Variants in GALNT17 observed in about 807,000 individuals in gnomAD.
The protein encoded by GALNT17 is polypeptide N-acetylgalactosaminyltransferase 17, also known as UDP-GalNAc:polypeptide N-acetylgalactosaminyltransferase-like 3.
GALNT17 carries 29 observed loss-of-function variants against 63.7 expected under a neutral mutation model. The observed-to-expected ratio is 0.46, with a 90% CI of 0.34 to 0.62. GALNT17 has a LOEUF of 0.62. GALNT17 is among the 20% of genes least tolerant of loss of function. The pLI, the probability that GALNT17 is intolerant of heterozygous loss-of-function variation, is 0.01. For synonymous variants in GALNT17, 305 were observed against 318.3 expected, an observed-to-expected ratio of 0.96 and a Z score of 0.45; for missense variants, 603 against 799.6, an observed-to-expected ratio of 0.75 and a Z score of 2.97.
intron 2 of GALNT17, among the ~76,000 whole-genome samples, chr7:71,382,074 T>C (rs1250216229): frequency 6.6e-6 from 1 of 151,864 alleles, no homozygotes; most frequent in Non-Finnish European, 1.5e-5. Context: ...GAAGGGCTAA[T>C]AGATTAAAAA....
chr7:71,388,195 C>G, intron 2 of GALNT17, 40 bp from the exon 3 acceptor site: 1 of 1,596,582 alleles, frequency 6.3e-7, no homozygotes, highest in East Asian at 2.2e-5. Flanking sequence ...GAGCTTTTAT[C>G]CTTCCTCTGA....
intron 6 of GALNT17, among the ~76,000 whole-genome samples, chr7:71,635,188 C>T (rs1790511495): frequency 7.9e-6 from 1 of 127,064 alleles, no homozygotes; most frequent in Non-Finnish European, 1.6e-5. Flanking sequence ...GCCTGGGTGA[C>T]AGAGTGAGAC....
chr7:71,713,492 C>T lies in GALNT17; in HGVS notation c.*1346C>T, dbSNP rs1791825334. On this transcript the variant is annotated 3_prime_UTR_variant, in exon 11 of 11. Coordinates refer to ENST00000333538, the MANE Select transcript of GALNT17 (RefSeq NM_022479.3). ...CAGAGCTGAACCCTGTAGCTGCCCCCTTGCCCTGTGTGGGATTCGCAGTGT... is the reference window on the plus strand; with the variant it reads ...CAGAGCTGAACCCTGTAGCTGCCCCTTTGCCCTGTGTGGGATTCGCAGTGT... 1 of 152,576 alleles carries T rather than the reference C, an allele frequency of 6.6e-6. No individual in the cohort carries two copies. Among genetic ancestry groups the T allele is most frequent in the Non-Finnish European group, 1.5e-5 (1 of 68,320 alleles). 9.5% of individuals were successfully genotyped at this position (152,576 alleles called of 1,614,324 possible). A position where few individuals can be genotyped will look rare whatever the true frequency, so the allele number is the denominator to read the frequency against.
intron 5 of GALNT17, among the ~76,000 whole-genome samples, chr7:71,452,827 T>G (rs1787287958): frequency 1.3e-5 from 2 of 152,274 alleles, no homozygotes; most frequent in East Asian, 1.9e-4. Flanking sequence ...ATCTTGTTTT[T>G]TTGTTGTTGT....
At chr7:71,545,896 G>A (rs1788975612) in intron 5 of GALNT17, among the ~76,000 whole-genome samples, 2 of 152,096 alleles carry the variant, frequency 1.3e-5, no homozygotes, top group South Asian at 2.1e-4. Flanking sequence ...TCACTCCTAG[G>A]TGTCATCTTC....
intron 4 of GALNT17, among the ~76,000 whole-genome samples, chr7:71,419,955 G>T (rs1286412693): frequency 1.3e-5 from 2 of 152,224 alleles, no homozygotes; most frequent in Admixed American, 6.5e-5. Flanking sequence ...AGCTGCAAAT[G>T]AAAAGAGATG....
chr7:71,654,852 G>A lies in GALNT17; in HGVS notation c.1081-10559G>A, dbSNP rs189412241. On this transcript the variant is annotated intron_variant, in intron 6 of 10. Transcript: ENST00000333538. ...CGCCCAGACTAGAAAGCAGTGGCAC[G>A]ATCTCGGCTCACTGCAACCTCCACC... Among the ~76,000 whole-genome samples, 795 of 152,122 alleles carry A rather than the reference G, an allele frequency of 5.2e-3. 6 individuals are homozygous for A. Among genetic ancestry groups the A allele is most frequent in the African/African-American group, 0.019 (777 of 41,496 alleles).
chr7:71,498,268 GA>G (rs1263133444), intron 5 of GALNT17, among the ~76,000 whole-genome samples: 2 of 152,096 alleles, frequency 1.3e-5, no homozygotes, highest in African/African-American at 2.4e-5. Context: ...TTGAGATCAG[GA>G]GTTAGAGACC....
At chr7:71,451,530 G>C (rs934449263) in intron 5 of GALNT17, among the ~76,000 whole-genome samples, 1 of 151,504 alleles carries the variant, frequency 6.6e-6, no homozygotes, top group Non-Finnish European at 1.5e-5. Context: ...CCTTATTCTC[G>C]GTTCCCCTCT....
rs35561906 is a variant in GALNT17, at chr7:71,565,269, G to GAA, written c.963-6007_963-6006dup. On this transcript the variant is annotated intron_variant, in intron 5 of 10. Transcript: ENST00000333538. ...GCAACAGGGTGAGACTCCATCTCAA[G>GAA]AAAAAAAAAATCAGGCTCCTGACGG... is the stretch of plus-strand genomic sequence containing the variant. 9.0e-4 allele frequency among the ~76,000 whole-genome samples: 135 copies of GAA among 149,778 alleles called. No individual in the cohort carries two copies. The East Asian group carries it at 0.02, about 22-fold the overall frequency.
intron 5 of GALNT17, among the ~76,000 whole-genome samples, chr7:71,436,028 GAA>G (rs71089944): frequency 5.1e-5 from 7 of 137,348 alleles, no homozygotes; most frequent in African/African-American, 8.4e-5. Context: ...TCAAAAAAAA[GAA>G]AAAAAAAAAA....
In GALNT17 at chr7:71,710,839, C is replaced by G; in HGVS notation, c.1579C>G (p.Leu527Val). The G allele has an allele frequency of 6.2e-7, 1 of 1,613,896 alleles. No individual in the cohort carries two copies. Among genetic ancestry groups the G allele is most frequent in the Non-Finnish European group, 8.5e-7 (1 of 1,179,996 alleles). Residue 527 changes from leucine to valine, a missense_variant, in exon 10 of 11, where the codon CTG becomes GTG. By Grantham distance (32) the Leu-to-Val change is conservative (BLOSUM62 1). Transcript: ENST00000333538. ...CACACTCCTCCCTGACACCCGCTGC[C>G]TGGTGGACAACTCCAAGAGTCGGCT... The part of the protein sequence containing the change: ...TTTLLPDTRC[L>V]VDNSKSRLPQ...
chr7:71,273,212 C>T (rs370740331), intron 1 of GALNT17, among the ~76,000 whole-genome samples: 2 of 152,088 alleles, frequency 1.3e-5, no homozygotes. Context: ...TAAGGCAACC[C>T]CTTGTAATCA....
At chr7:71,449,606 A>C (rs1787222547) in intron 5 of GALNT17, among the ~76,000 whole-genome samples, 1 of 152,188 alleles carries the variant, frequency 6.6e-6, no homozygotes, top group South Asian at 2.1e-4. Context: ...TTTTAAATAG[A>C]CATCAGATTA....
chr7:71,666,939 G>C (rs1790994514), intron 7 of GALNT17, among the ~76,000 whole-genome samples: 1 of 152,196 alleles, frequency 6.6e-6, no homozygotes, highest in Non-Finnish European at 1.5e-5. Flanking sequence ...TGTAAAATGA[G>C]GATAATAGCA....
rs1791100828 is a variant in GALNT17, at chr7:71,297,346, C to T, written c.239-38204C>T. Among the ~76,000 whole-genome samples the T allele has an allele frequency of 2.0e-5, 3 of 152,162 alleles. No individual in the cohort carries two copies. In the South Asian group the frequency reaches 6.2e-4, roughly 32 times the overall value. On this transcript the variant is annotated intron_variant, in intron 1 of 10. Transcript: ENST00000333538. ...TCACCTGAGGTCTAGGAGTTTGAGA[C>T]CAGCCTGACCAACATGATGAAACCC...
chr7:71,356,669 G>T (rs543894248), intron 2 of GALNT17, among the ~76,000 whole-genome samples: 3 of 152,172 alleles, frequency 2.0e-5, no homozygotes, highest in Non-Finnish European at 4.4e-5. Context: ...GTTCATGAGC[G>T]GTCGGCCCCA....
intron 5 of GALNT17, among the ~76,000 whole-genome samples, chr7:71,535,066 G>T (rs1269096584): frequency 6.6e-6 from 1 of 152,136 alleles, no homozygotes; most frequent in Non-Finnish European, 1.5e-5. Context: ...GCCTAGTTTT[G>T]TATTTTCTTT....
intron 6 of GALNT17, among the ~76,000 whole-genome samples, chr7:71,617,263 A>C (rs182395632): frequency 6.8e-6 from 1 of 146,622 alleles, no homozygotes; most frequent in Non-Finnish European, 1.5e-5. Context: ...CCAGGTAGTA[A>C]GCATAGTACT....
Sources: allele counts gnomAD v4.1 joint callset (sites outside exome capture counted in the v4.1 genomes callset), GRCh38; gene constraint gnomAD v4.1.1; transcripts MANE v1.5; gene names NCBI Gene and HGNC (gene_info 2026-07-23, HGNC 2026-07-21).